GNA13: variants seen among roughly 807,000 people sequenced by gnomAD.
The protein encoded by GNA13 is guanine nucleotide-binding protein subunit alpha-13.
GNA13 carries 4 observed loss-of-function variants against 33.5 expected under a neutral mutation model. The observed-to-expected ratio is 0.12, with a 90% CI of 0.06 to 0.27. GNA13 has a LOEUF of 0.27. GNA13 is among the 10% of genes least tolerant of loss of function. The pLI is 1.00. For synonymous variants in GNA13, 176 were observed against 183.8 expected (o/e 0.96, Z 0.34); for missense variants, 319 against 487.2 (o/e 0.65, Z 3.25).
chr17:65,044,845 C>T (rs1223150317), intron 2 of GNA13, among the ~76,000 whole-genome samples: 4 of 151,964 alleles, frequency 2.6e-5, no homozygotes, highest in South Asian at 2.1e-4. Context: ...GAGTTCAAGA[C>T]GAGCCCGGCC....
chr17:65,033,810 T>G (rs967695662), intron 2 of GNA13, among the ~76,000 whole-genome samples: 5 of 151,878 alleles, frequency 3.3e-5, no homozygotes, highest in Admixed American at 3.3e-4. Flanking sequence ...GTCAGGAGTT[T>G]GAGACCAGCC....
intron 2 of GNA13, among the ~76,000 whole-genome samples, chr17:65,043,731 C>T (rs964053138): frequency 2.0e-5 from 3 of 151,498 alleles, no homozygotes; most frequent in Non-Finnish European, 2.9e-5. Flanking sequence ...AAAACAAGAA[C>T]AAAAAAAACA....
intron 2 of GNA13, among the ~76,000 whole-genome samples, chr17:65,021,050 G>T (rs2143777657): frequency 6.6e-6 from 1 of 152,204 alleles, no homozygotes; most frequent in Admixed American, 6.5e-5. Context: ...TTTTTTCTCT[G>T]TTCAGAACAC....
At chr17:65,015,482 G>T (rs962550518) in intron 3 of GNA13, among the ~76,000 whole-genome samples, 2 of 151,862 alleles carry the variant, frequency 1.3e-5, no homozygotes, top group Non-Finnish European at 2.9e-5. Flanking sequence ...CTAACACAGT[G>T]AAACCCCATC....
At chr17:65,020,799 T>G (rs1369624973) in intron 2 of GNA13, among the ~76,000 whole-genome samples, 1 of 151,980 alleles carries the variant, frequency 6.6e-6, no homozygotes, top group Non-Finnish European at 1.5e-5. Flanking sequence ...TACAGGTGTG[T>G]GCCTCCGCGC....
chr17:65,014,680 G>A lies in GNA13; in HGVS notation c.711C>T (p.Phe237=), dbSNP rs528393244. 14 of 1,614,080 alleles carry A rather than the reference G, an allele frequency of 8.7e-6. No homozygotes were observed. The highest frequency in any genetic ancestry group is 7.7e-5 in the South Asian group (7 of 91,074). ...RSERKRWFEC[F]DSVTSILFLV... is the part of the protein sequence containing the mutation. ...GGAAAAGTATTGATGTCACACTGTCGAAACATTCAAACCAACGTTTCCTTT... is the reference window on the plus strand; with the variant it reads ...GGAAAAGTATTGATGTCACACTGTCAAAACATTCAAACCAACGTTTCCTTT... The change falls in exon 4 of 4, where the codon TTC becomes TTT. Residue 237 remains phenylalanine (F), a synonymous_variant. Coordinates refer to ENST00000439174, the MANE Select transcript of GNA13 (RefSeq NM_006572.6). The surrounding 1 kb of genome is among the most constrained non-coding windows in gnomAD (Gnocchi z 5.3).
chr17:65,012,999 G>A lies in GNA13; in HGVS notation c.*1258C>T, dbSNP rs181474447. 4.5e-6 allele frequency: 1 copy of A among 221,226 alleles called. No homozygotes were observed. 13.7% of individuals were successfully genotyped at this position (221,226 alleles called of 1,614,324 possible). A position where few individuals can be genotyped will look rare whatever the true frequency, so the allele number is the denominator to read the frequency against. On this transcript the variant is annotated 3_prime_UTR_variant, in exon 4 of 4. Transcript: ENST00000439174. ...ACATTTTAATTTGGTAAGCAGTCGGGGGAGGTCAATGTAATCATCTTTAGG... is the reference window on the plus strand; with the variant it reads ...ACATTTTAATTTGGTAAGCAGTCGGAGGAGGTCAATGTAATCATCTTTAGG...
intron 2 of GNA13, among the ~76,000 whole-genome samples, chr17:65,037,777 G>GAAAAAATAAAA (rs145051963): frequency 3.7e-5 from 3 of 82,044 alleles, no homozygotes; most frequent in African/African-American, 1.0e-4. Flanking sequence ...CTACAAAAAT[G>GAAAAAATAAAA]GAAAAAAAAA....
rs1388737151 is a variant in GNA13, at chr17:65,012,157, G to A, written c.*2100C>T. On this transcript the variant is annotated 3_prime_UTR_variant, in exon 4 of 4. Transcript: ENST00000439174. The stretch of plus-strand genomic sequence containing the variant: ...TGGTAATTCAAAAGGGGGAAACTTG[G>A]TGATTTCTGCTTTGTCAGGCAATAT... 4.5e-6 allele frequency: 1 copy of A among 223,020 alleles called. No individual in the cohort carries two copies. Among genetic ancestry groups the A allele is most frequent in the East Asian group, 6.5e-5 (1 of 15,324 alleles). The allele number at this position is 223,020 out of a possible 1,614,324, so 13.8% of individuals were successfully genotyped here.
chr17:65,025,454 A>C (rs1178101419), intron 2 of GNA13, among the ~76,000 whole-genome samples: 3 of 152,232 alleles, frequency 2.0e-5, no homozygotes, highest in Non-Finnish European at 4.4e-5. Context: ...CTTTCAAGCT[A>C]ACTCAGATTT....
At chr17:65,020,341 C>T (rs1407848969) in intron 2 of GNA13, among the ~76,000 whole-genome samples, 8 of 152,120 alleles carry the variant, frequency 5.3e-5, no homozygotes, top group Non-Finnish European at 1.2e-4. Context: ...GTCTCCATTT[C>T]CCCCAGAGTT....
chr17:65,022,648 CA>C (rs1906625086), intron 2 of GNA13, among the ~76,000 whole-genome samples: 1 of 152,186 alleles, frequency 6.6e-6, no homozygotes, highest in Non-Finnish European at 1.5e-5. Context: ...AAAAACAAAA[CA>C]CATGCAAAAT....
intron 2 of GNA13, among the ~76,000 whole-genome samples, chr17:65,039,575 C>A (rs1907382756): frequency 6.6e-6 from 1 of 152,196 alleles, no homozygotes; most frequent in Non-Finnish European, 1.5e-5. Context: ...GCACATGGTG[C>A]TCATTCTGCC....
chr17:65,038,402 C>A (rs1249414608), intron 2 of GNA13, among the ~76,000 whole-genome samples: 1 of 147,864 alleles, frequency 6.8e-6, no homozygotes, highest in African/African-American at 2.5e-5. Flanking sequence ...GACACCATCT[C>A]AAAAAAAAAA....
intron 2 of GNA13, among the ~76,000 whole-genome samples, chr17:65,034,563 G>C (rs912168633): frequency 6.6e-6 from 1 of 152,046 alleles, no homozygotes; most frequent in African/African-American, 2.4e-5. Flanking sequence ...CTCCCAAAGT[G>C]CTGGGATTAA....
chr17:65,013,196 G>A lies in GNA13; in HGVS notation c.*1061C>T. 1 of 205,100 alleles carries A rather than the reference G, an allele frequency of 4.9e-6. No homozygotes were observed. The highest frequency in any genetic ancestry group is 1.0e-5 in the Non-Finnish European group (1 of 100,152). 12.7% of individuals were successfully genotyped at this position (205,100 alleles called of 1,614,324 possible). ...ATCTCAAATAATGCCTTCTTGAATA[G>A]TCTTGACAGAAAAATACTGCCCTTA... On this transcript the variant is annotated 3_prime_UTR_variant, in exon 4 of 4. Coordinates refer to ENST00000439174, the MANE Select transcript of GNA13 (RefSeq NM_006572.6).
intron 2 of GNA13, 84 bp downstream of exon 2, chr17:65,053,418 A>T: frequency 1.2e-6 from 1 of 853,346 alleles, no homozygotes; most frequent in Non-Finnish European, 1.9e-6. Flanking sequence ...GAACATTTCG[A>T]ATTTTCGCAT....
chr17:65,047,676 G>C (rs1907716252), intron 2 of GNA13, among the ~76,000 whole-genome samples: 1 of 143,634 alleles, frequency 7.0e-6, no homozygotes, highest in Non-Finnish European at 1.5e-5. Flanking sequence ...TTTTTTTTAA[G>C]AGGGAGGGGG....
chr17:65,018,595 A>G (rs1598480205), intron 2 of GNA13, among the ~76,000 whole-genome samples: 1 of 152,362 alleles, frequency 6.6e-6, no homozygotes, highest in South Asian at 2.1e-4. Context: ...ACGTATCCAC[A>G]GTGAAGACAT....
Sources: gnomAD v4.1 joint callset for allele counts (sites outside exome capture counted in the v4.1 genomes callset) on GRCh38, gnomAD v4.1.1 for gene constraint, Gnocchi (gnomAD v3.1) non-coding constraint, MANE v1.5 for transcripts, NCBI Gene and HGNC (gene_info 2026-07-23, HGNC 2026-07-21) for gene names.